The following LYNX1 variants were observed in gnomAD, a reference collection of about 807,000 sequenced individuals.
LYNX1 encodes ly-6/neurotoxin-like protein 1.
LYNX1 carries 8 observed loss-of-function variants against 8.3 expected under a neutral mutation model. The ratio of observed to expected loss-of-function variants is 0.97; its 90% confidence interval spans 0.57 to 1.74. The LOEUF (loss-of-function observed/expected upper bound fraction) is 1.74. Among genes scored for constraint, LYNX1 ranks in the 40% most tolerant of loss-of-function variants. The probability of loss-of-function intolerance (pLI) is 0.00; values close to 1 mark genes in which losing one functional copy is unlikely to be tolerated. For synonymous variants in LYNX1, 73 were observed against 67.9 expected, an observed-to-expected ratio of 1.08 and a Z score of -0.37; for missense variants, 158 against 159.7, an observed-to-expected ratio of 0.99 and a Z score of 0.06.
chr8:142,773,379 C>T lies in LYNX1; in HGVS notation c.*1788G>A. 1 of 985,856 alleles carries T rather than the reference C, an allele frequency of 1.0e-6. No individual in the cohort carries two copies. Among genetic ancestry groups the T allele is most frequent in the South Asian group, 4.7e-5 (1 of 21,288 alleles). 61.1% of individuals were successfully genotyped at this position (985,856 alleles called of 1,614,324 possible). On this transcript the variant is annotated 3_prime_UTR_variant, in exon 4 of 4. Coordinates refer to ENST00000652477, the MANE Select transcript of LYNX1 (RefSeq NM_177477.4). The stretch of plus-strand genomic sequence containing the variant: ...GGGGTAGGGGCGAGGGGAGTCCAGG[C>T]CCACCCTGTGCTGGCAGCAACTCCT...
Position 142,772,200 on chromosome 8 carries a change from C to CACAG in LYNX1, c.*2963_*2966dup. ...CGGGCATGTCCAGGACTCAGGTCCACACAGACAGTGGCAACAGCTAGCCCT... is the reference window on the plus strand; with the variant it reads ...CGGGCATGTCCAGGACTCAGGTCCACACAGACAGACAGTGGCAACAGCTAGCCCT... On this transcript the variant is annotated 3_prime_UTR_variant, in exon 4 of 4. Coordinates refer to ENST00000652477, the MANE Select transcript of LYNX1 (RefSeq NM_177477.4). The CACAG allele has an allele frequency of 1.0e-6, 1 of 986,080 alleles. No homozygotes were observed. Among genetic ancestry groups the CACAG allele is most frequent in the South Asian group, 4.7e-5 (1 of 21,292 alleles). 61.1% of individuals were successfully genotyped at this position (986,080 alleles called of 1,614,324 possible).
chr8:142,776,117 C>CA lies in LYNX1; in HGVS notation c.-161dup. The CA allele has an allele frequency of 1.3e-6, 1 of 776,222 alleles. No homozygotes were observed. The highest frequency in any genetic ancestry group is 2.1e-6 in the Non-Finnish European group (1 of 468,732). 48.1% of individuals were successfully genotyped at this position (776,222 alleles called of 1,614,324 possible). A position where few individuals can be genotyped will look rare whatever the true frequency, so the allele number is the denominator to read the frequency against. Reference sequence around the variant, plus strand: ...AGCTCCTGGTCTACTGGGAGTGCTGCAACCCTGCACAGCAGGTGGCAAAGA... The same window carrying CA: ...AGCTCCTGGTCTACTGGGAGTGCTGCAAACCCTGCACAGCAGGTGGCAAAGA... On this transcript the variant is annotated 5_prime_UTR_variant, in exon 2 of 4. Coordinates refer to ENST00000652477, the MANE Select transcript of LYNX1 (RefSeq NM_177477.4).
Position 142,774,540 on chromosome 8 carries a change from C to CG in LYNX1, c.*626dup. On this transcript the variant is annotated 3_prime_UTR_variant, in exon 4 of 4. Coordinates refer to ENST00000652477, the MANE Select transcript of LYNX1 (RefSeq NM_177477.4). Reference sequence around the variant, plus strand: ...GGACCCGAAAAAGCTTCTGTGACTTCGGGGGCCCTGGGGCCTGCTGAGGCA... The same window carrying CG: ...GGACCCGAAAAAGCTTCTGTGACTTCGGGGGGCCCTGGGGCCTGCTGAGGCA... 1.0e-6 allele frequency: 1 copy of CG among 985,742 alleles called. No homozygotes were observed. The highest frequency in any genetic ancestry group is 1.2e-6 in the Non-Finnish European group (1 of 830,158). The allele number at this position is 985,742 out of a possible 1,614,324, so 61.1% of individuals were successfully genotyped here.
chr8:142,777,286 C>A (rs1413002877), upstream of LYNX1: 1 of 158,496 alleles, frequency 6.3e-6, no homozygotes, highest in Non-Finnish European at 1.4e-5. Context: ...GCCCGCCCAG[C>A]GCGAGCTCAC....
Position 142,775,080 on chromosome 8 carries a change from T to A in LYNX1, c.*87A>T. 6.6e-7 allele frequency: 1 copy of A among 1,509,344 alleles called. No individual in the cohort carries two copies. The highest frequency in any genetic ancestry group is 8.8e-7 in the Non-Finnish European group (1 of 1,130,930). 93.5% of individuals were successfully genotyped at this position (1,509,344 alleles called of 1,614,324 possible). A position where few individuals can be genotyped will look rare whatever the true frequency, so the allele number is the denominator to read the frequency against. On this transcript the variant is annotated 3_prime_UTR_variant, in exon 4 of 4. Transcript: ENST00000652477. ...ATGGCTGAGGAGGTCGCAGGGAGTG[T>A]GGAGGGTGAGGCAGGGTGAGCTGGG...
rs1384397808 is a variant in LYNX1 at position 142,774,190 on chromosome 8, G to A, written c.*977C>T. 6 of 900,796 alleles carry A rather than the reference G, an allele frequency of 6.7e-6. No homozygotes were observed. The highest frequency in any genetic ancestry group is 1.6e-4 in the East Asian group (1 of 6,434). The allele number at this position is 900,796 out of a possible 1,614,324, so 55.8% of individuals were successfully genotyped here. A position where few individuals can be genotyped will look rare whatever the true frequency, so the allele number is the denominator to read the frequency against. On this transcript the variant is annotated 3_prime_UTR_variant, in exon 4 of 4. Transcript: ENST00000652477. ...CCCACTCCCGCCCCCGCACGGCCACGAGAGGGTGGCATGCTCCGCCTTCCC... is the reference window on the plus strand; with the variant it reads ...CCCACTCCCGCCCCCGCACGGCCACAAGAGGGTGGCATGCTCCGCCTTCCC...
In LYNX1 at chr8:142,772,753, A is replaced by G. The variant is rs1159276076; in HGVS notation, c.*2414T>C. On this transcript the variant is annotated 3_prime_UTR_variant, in exon 4 of 4. Coordinates refer to ENST00000652477, the MANE Select transcript of LYNX1 (RefSeq NM_177477.4). ...CTGTGCCGGTTCCCTGGTGCTGCAC[A>G]GCCACGCACTCCCCATGAGTGGGCC... 1.0e-6 allele frequency: 1 copy of G among 985,388 alleles called. No homozygotes were observed. Among genetic ancestry groups the G allele is most frequent in the East Asian group, 1.1e-4 (1 of 8,822 alleles). 61.0% of individuals were successfully genotyped at this position (985,388 alleles called of 1,614,324 possible).
rs1372828011 is a variant in LYNX1, at chr8:142,773,232, C to T, written c.*1935G>A. ...CAGCTGAGAGGGCCTCATTTGGGCACTGCCCTGAGGCTGGCACTTGCAGGT... is the reference window on the plus strand; with the variant it reads ...CAGCTGAGAGGGCCTCATTTGGGCATTGCCCTGAGGCTGGCACTTGCAGGT... On this transcript the variant is annotated 3_prime_UTR_variant, in exon 4 of 4. Coordinates refer to ENST00000652477, the MANE Select transcript of LYNX1 (RefSeq NM_177477.4). 2.7e-5 allele frequency: 27 copies of T among 985,480 alleles called. No individual in the cohort carries two copies. Among genetic ancestry groups the T allele is most frequent in the Non-Finnish European group, 3.1e-5 (26 of 830,026 alleles). 61.0% of individuals were successfully genotyped at this position (985,480 alleles called of 1,614,324 possible). A position where few individuals can be genotyped will look rare whatever the true frequency, so the allele number is the denominator to read the frequency against.
rs1036768486 is a variant in LYNX1 at position 142,774,242 on chromosome 8, C to A, written c.*925G>T. On this transcript the variant is annotated 3_prime_UTR_variant, in exon 4 of 4. Coordinates refer to ENST00000652477, the MANE Select transcript of LYNX1 (RefSeq NM_177477.4). ...CGCCCAGGCCCGCGCCGGCCCCAGG[C>A]TGCTCCCAACCCCCAGCCTGTGCGC... 8 of 984,856 alleles carry A rather than the reference C, an allele frequency of 8.1e-6. No homozygotes were observed. The highest frequency in any genetic ancestry group is 9.6e-6 in the Non-Finnish European group (8 of 829,876). 61.0% of individuals were successfully genotyped at this position (984,856 alleles called of 1,614,324 possible).
chr8:142,775,225 G>T lies in LYNX1; in HGVS notation c.293C>A (p.Thr98Asn). The T allele has an allele frequency of 1.2e-6, 2 of 1,613,514 alleles. No individual in the cohort carries two copies. The highest frequency in any genetic ancestry group is 1.7e-6 in the Non-Finnish European group (2 of 1,179,810). ...GGGGGCCAGGGCCAGGGTGGCCGGG[G>T]TGGCAAGGCCGGTGCCGTTGCAGAG... The part of the protein sequence containing the change: ...YDLCNGTGLA[T>N]PATLALAPIL... The change falls in exon 4 of 4, where the codon ACC becomes AAC. Residue 98 changes from threonine to asparagine, a missense_variant. By Grantham distance (65) the Thr-to-Asn change is moderately conservative. Coordinates refer to ENST00000652477, the MANE Select transcript of LYNX1 (RefSeq NM_177477.4).
intron 1 of LYNX1, 183 bp downstream of exon 1, chr8:142,776,923 A>G (rs1297515490): frequency 6.6e-6 from 1 of 152,162 alleles, no homozygotes; most frequent in Non-Finnish European, 1.5e-5. Flanking sequence ...CGCCTTCCCG[A>G]GAACAACAAA....
In LYNX1 at chr8:142,771,455, T is replaced by G. The variant is rs1273707859; in HGVS notation, c.*3712A>C. Reference sequence around the variant, plus strand: ...ATGAAGCTCAGGGCTGGGCGGAAGCTGGCAGGGCTGTCCACAGGGAGGACC... The same window carrying G: ...ATGAAGCTCAGGGCTGGGCGGAAGCGGGCAGGGCTGTCCACAGGGAGGACC... On this transcript the variant is annotated 3_prime_UTR_variant, in exon 4 of 4. Transcript: ENST00000652477. 1.0e-6 allele frequency: 1 copy of G among 985,284 alleles called. No individual in the cohort carries two copies. The highest frequency in any genetic ancestry group is 6.1e-5 in the Admixed American group (1 of 16,270). The allele number at this position is 985,284 out of a possible 1,614,324, so 61.0% of individuals were successfully genotyped here. A position where few individuals can be genotyped will look rare whatever the true frequency, so the allele number is the denominator to read the frequency against.
chr8:142,774,734 T>TAA lies in LYNX1; in HGVS notation c.*431_*432dup. The TAA allele has an allele frequency of 9.7e-7, 1 of 1,026,156 alleles. No individual in the cohort carries two copies. The highest frequency in any genetic ancestry group is 5.1e-5 in the Admixed American group (1 of 19,516). 63.6% of individuals were successfully genotyped at this position (1,026,156 alleles called of 1,614,324 possible). On this transcript the variant is annotated 3_prime_UTR_variant, in exon 4 of 4. Coordinates refer to ENST00000652477, the MANE Select transcript of LYNX1 (RefSeq NM_177477.4). The stretch of plus-strand genomic sequence containing the variant: ...CTAGGCCTGGAGGAGCCTTTCCTCC[T>TAA]AAGAGTCTCCCCACCACCCCACCTG...
chr8:142,774,149 T>TAG lies in LYNX1; in HGVS notation c.*1017_*1018insCT. ...CGGGGGAGGGGCTGGGTCTCCGCCC[T>TAG]CCCCACCCCACCCTCCCCACTCCCG... On this transcript the variant is annotated 3_prime_UTR_variant, in exon 4 of 4. Coordinates refer to ENST00000652477, the MANE Select transcript of LYNX1 (RefSeq NM_177477.4). 5 of 725,154 alleles carry TAG rather than the reference T, an allele frequency of 6.9e-6. No individual in the cohort carries two copies. Among genetic ancestry groups the TAG allele is most frequent in the Non-Finnish European group, 8.2e-6 (5 of 608,362 alleles). 44.9% of individuals were successfully genotyped at this position (725,154 alleles called of 1,614,324 possible). A position where few individuals can be genotyped will look rare whatever the true frequency, so the allele number is the denominator to read the frequency against.
rs1815203169 is a variant in LYNX1 at position 142,772,008 on chromosome 8, T to C, written c.*3159A>G. The C allele has an allele frequency of 1.0e-6, 1 of 985,782 alleles. No homozygotes were observed. Among genetic ancestry groups the C allele is most frequent in the African/African-American group, 1.8e-5 (1 of 57,094 alleles). The allele number at this position is 985,782 out of a possible 1,614,324, so 61.1% of individuals were successfully genotyped here. On this transcript the variant is annotated 3_prime_UTR_variant, in exon 4 of 4. Coordinates refer to ENST00000652477, the MANE Select transcript of LYNX1 (RefSeq NM_177477.4). ...ATTGCAGTTCCCAGAATGTATAACA[T>C]CCCAGGGTGCCAGAGCCCACCCAAG... is the stretch of plus-strand genomic sequence containing the variant.
chr8:142,771,214 G>T lies in LYNX1; in HGVS notation c.*3953C>A. 4 of 985,520 alleles carry T rather than the reference G, an allele frequency of 4.1e-6. No individual in the cohort carries two copies. The highest frequency in any genetic ancestry group is 4.8e-6 in the Non-Finnish European group (4 of 829,990). 61.0% of individuals were successfully genotyped at this position (985,520 alleles called of 1,614,324 possible). A position where few individuals can be genotyped will look rare whatever the true frequency, so the allele number is the denominator to read the frequency against. ...GAAGCGCAGACAATGCGAATCTGTT[G>T]ATTTATTTACGGCTCGGTGAGACGA... is the stretch of plus-strand genomic sequence containing the variant. On this transcript the variant is annotated 3_prime_UTR_variant, in exon 4 of 4. Transcript: ENST00000652477.
intron 3 of LYNX1, 78 bp from the exon 4 acceptor site, chr8:142,775,441 G>A: frequency 6.3e-7 from 1 of 1,584,874 alleles, no homozygotes; most frequent in Non-Finnish European, 8.6e-7. Context: ...AGCATCCACA[G>A]CCATCAGGGC....
chr8:142,777,810 C>T (rs1258769639), upstream of LYNX1: 3 of 398,490 alleles, frequency 7.5e-6, no homozygotes, highest in East Asian at 1.1e-4. Flanking sequence ...CCGCGGCAGC[C>T]CAGCCTTCCC....
In LYNX1 at chr8:142,771,833, G is replaced by A. The variant is rs1815194373; in HGVS notation, c.*3334C>T. On this transcript the variant is annotated 3_prime_UTR_variant, in exon 4 of 4. Transcript: ENST00000652477. ...ACTTCCCCAGGACCTCCGCCTGGAG[G>A]AAGCCTGCCCAGGGCCGCAGCCCTG... 1.0e-6 allele frequency: 1 copy of A among 985,920 alleles called. No individual in the cohort carries two copies. Among genetic ancestry groups the A allele is most frequent in the Non-Finnish European group, 1.2e-6 (1 of 830,008 alleles). 61.1% of individuals were successfully genotyped at this position (985,920 alleles called of 1,614,324 possible). A position where few individuals can be genotyped will look rare whatever the true frequency, so the allele number is the denominator to read the frequency against.
Sources: allele counts gnomAD v4.1 joint callset, GRCh38; gene constraint gnomAD v4.1.1; transcripts MANE v1.5; gene names NCBI Gene and HGNC (gene_info 2026-07-23, HGNC 2026-07-21).